PUDP: variants seen among roughly 807,000 people sequenced by gnomAD.
PUDP encodes pseudouridine-5'-phosphatase.
PUDP carries 8 observed loss-of-function variants against 9.4 expected under a neutral mutation model. The observed-to-expected ratio is 0.85, with a 90% CI of 0.50 to 1.53. The LOEUF (loss-of-function observed/expected upper bound fraction) is 1.53. Ranked by LOEUF, PUDP falls within the 40% of genes most tolerant of loss-of-function variation. The pLI is 0.00. For synonymous variants in PUDP, 99 were observed against 80.7 expected, an observed-to-expected ratio of 1.23 and a Z score of -1.22; for missense variants, 188 against 189.7, an observed-to-expected ratio of 0.99 and a Z score of 0.05.
intron 1 of PUDP, among the ~76,000 whole-genome samples, chrX:7,123,872 A>C (rs1175354366): frequency 8.9e-6 from 1 of 112,154 alleles, no homozygotes; most frequent in African/African-American, 3.2e-5. Flanking sequence ...TATGAACCTA[A>C]CCACAGAGCC....
chrX:7,086,248 G>A (rs574051417), intron 2 of PUDP, among the ~76,000 whole-genome samples: 3 of 111,945 alleles, frequency 2.7e-5, no homozygotes, highest in South Asian at 7.5e-4. Flanking sequence ...TTTAACTACT[G>A]TCTGGCTGTG....
intron 1 of PUDP, among the ~76,000 whole-genome samples, chrX:7,135,538 C>T (rs1932721562): frequency 8.9e-6 from 1 of 111,988 alleles, no homozygotes; most frequent in African/African-American, 3.2e-5. Flanking sequence ...TGCTATAATA[C>T]ACATTGCAAT....
chrX:6,933,825 G>C (rs1054559414), intron 3 of PUDP, among the ~76,000 whole-genome samples: 10 of 111,728 alleles, frequency 9.0e-5, no homozygotes, highest in African/African-American at 2.0e-4. Flanking sequence ...TCGAGAACTA[G>C]GTGAAGAATG....
chrX:6,930,913 C>T (rs1458394045), intron 3 of PUDP, among the ~76,000 whole-genome samples: 1 of 108,964 alleles, frequency 9.2e-6, no homozygotes, highest in African/African-American at 3.4e-5. Flanking sequence ...TAGAGGGCAC[C>T]CAGTTAAATT....
downstream of PUDP, among the ~76,000 whole-genome samples, chrX:7,047,638 A>G (rs1267305881): frequency 8.9e-6 from 1 of 112,264 alleles, no homozygotes; most frequent in Non-Finnish European, 1.9e-5. Context: ...TTGAAATGAT[A>G]CTAATATCCC....
intron 3 of PUDP, among the ~76,000 whole-genome samples, chrX:6,976,999 A>G (rs1003325148): frequency 4.4e-5 from 5 of 112,538 alleles, no homozygotes; most frequent in African/African-American, 1.6e-4. Context: ...GTAAATGCCA[A>G]TCACTACACA....
At chrX:7,078,567 A>T (rs1430206086) in intron 2 of PUDP, among the ~76,000 whole-genome samples, 1 of 112,568 alleles carries the variant, frequency 8.9e-6, no homozygotes, top group African/African-American at 3.2e-5. Flanking sequence ...TACTGGGATT[A>T]CAGGCATGAG....
chrX:6,976,017 C>T (rs908962137), intron 3 of PUDP, among the ~76,000 whole-genome samples: 1 of 112,126 alleles, frequency 8.9e-6, no homozygotes, highest in Non-Finnish European at 1.9e-5. Context: ...AAACCGCCTA[C>T]TCAAGCCTAA....
chrX:6,951,130 T>A (rs1179280767), intron 3 of PUDP, among the ~76,000 whole-genome samples: 1 of 111,591 alleles, frequency 9.0e-6, no homozygotes, highest in Non-Finnish European at 1.9e-5. Context: ...CCATTTCTTA[T>A]AATGAATCTC....
intron 3 of PUDP, among the ~76,000 whole-genome samples, chrX:6,779,913 A>G (rs1305783184): frequency 1.8e-5 from 2 of 111,166 alleles, no homozygotes; most frequent in Admixed American, 9.6e-5. Context: ...GGCAACACAG[A>G]GAGACCCTAT....
chrX:7,060,494 C>T (rs781458510), intron 3 of PUDP, among the ~76,000 whole-genome samples: 2 of 112,110 alleles, frequency 1.8e-5, no homozygotes, highest in African/African-American at 6.5e-5. Flanking sequence ...AACTGGGGAC[C>T]TGCCATGTAC....
At chrX:6,806,233 A>AT (rs949587971) in intron 3 of PUDP, among the ~76,000 whole-genome samples, 3 of 111,985 alleles carry the variant, frequency 2.7e-5, no homozygotes, top group South Asian at 3.8e-4. Flanking sequence ...TCATTTTAAT[A>AT]TTTTTTTACC....
At chrX:7,131,657 T>C (rs1021933966) in intron 1 of PUDP, among the ~76,000 whole-genome samples, 4 of 109,393 alleles carry the variant, frequency 3.7e-5, no homozygotes, top group Non-Finnish European at 3.8e-5. Flanking sequence ...GCAGTCCTTC[T>C]ATCGTTCATC....
intron 3 of PUDP, among the ~76,000 whole-genome samples, chrX:7,053,459 A>T (rs961778236): frequency 2.1e-4 from 23 of 111,785 alleles, no homozygotes; most frequent in South Asian, 1.5e-3. Flanking sequence ...CAATTGAATC[A>T]TGGGGGCAGT....
chrX:6,819,202 A>C (rs761429647), intron 3 of PUDP, among the ~76,000 whole-genome samples: 1 of 111,993 alleles, frequency 8.9e-6, no homozygotes, highest in Non-Finnish European at 1.9e-5. Flanking sequence ...CCAACAACAC[A>C]AAGACTGGGT....
At chrX:6,945,882 A>T (rs1208698069) in intron 3 of PUDP, among the ~76,000 whole-genome samples, 2 of 111,336 alleles carry the variant, frequency 1.8e-5, no homozygotes, top group Non-Finnish European at 3.8e-5. Flanking sequence ...AGCCAAAGGG[A>T]CCCCAGAATA....
At chrX:6,932,545 G>C (rs1200133975) in intron 3 of PUDP, among the ~76,000 whole-genome samples, 1 of 111,444 alleles carries the variant, frequency 9.0e-6, no homozygotes, top group Non-Finnish European at 1.9e-5. Context: ...CGTGAGCGAC[G>C]CAGAAGACGG....
At chrX:6,885,035 T>C (rs1220948816) in intron 3 of PUDP, among the ~76,000 whole-genome samples, 1 of 111,614 alleles carries the variant, frequency 9.0e-6, no homozygotes, top group Non-Finnish European at 1.9e-5. Context: ...ATTCTAGCAA[T>C]ATGGAGAAGA....
intron 1 of PUDP, among the ~76,000 whole-genome samples, chrX:6,709,278 C>T (rs150609199): frequency 2.3e-3 from 257 of 111,643 alleles, no homozygotes; most frequent in African/African-American, 7.7e-3. Context: ...CCTCCCAACA[C>T]GTGGTGTTAT....
Sources: allele counts gnomAD v4.1 joint callset (sites outside exome capture counted in the v4.1 genomes callset), GRCh38; gene constraint gnomAD v4.1.1; transcripts MANE v1.5; gene names NCBI Gene and HGNC (gene_info 2026-07-23, HGNC 2026-07-21).